The following FHIT variants were observed in gnomAD, a reference collection of about 807,000 sequenced individuals.
FHIT encodes the protein fragile histidine triad diadenosine triphosphatase.
A neutral mutation model predicts 17.9 loss-of-function variants in FHIT; 19 were observed. The observed-to-expected ratio is 1.06, with a 90% CI of 0.74 to 1.56. The LOEUF (loss-of-function observed/expected upper bound fraction) is 1.56. FHIT is among the 40% of genes most tolerant of loss of function. The pLI is 0.00. For missense variants in FHIT, 248 were observed against 189.2 expected (o/e 1.31, Z -1.82); for synonymous variants, 81 against 69.7 (o/e 1.16, Z -0.81).
At chr3:60,298,700 C>T (rs1049812379) in intron 5 of FHIT, among the ~76,000 whole-genome samples, 2 of 152,088 alleles carry the variant, frequency 1.3e-5, no homozygotes, top group Non-Finnish European at 2.9e-5. Context: ...CATGCTTTTT[C>T]TGTGGGAATT....
At chr3:60,249,533 A>G (rs557503070) in intron 5 of FHIT, among the ~76,000 whole-genome samples, 5 of 137,786 alleles carry the variant, frequency 3.6e-5, no homozygotes, top group South Asian at 4.8e-4. Context: ...AATAAGGATG[A>G]AGGATTTTTT....
At chr3:59,812,467 G>A (rs1352440857) in intron 8 of FHIT, among the ~76,000 whole-genome samples, 1 of 152,162 alleles carries the variant, frequency 6.6e-6, no homozygotes, top group Non-Finnish European at 1.5e-5. Context: ...TTATGTTGCA[G>A]CTAAGGCCAG....
chr3:60,099,139 T>C (rs1316116978), intron 5 of FHIT, among the ~76,000 whole-genome samples: 1 of 152,164 alleles, frequency 6.6e-6, no homozygotes, highest in Non-Finnish European at 1.5e-5. Context: ...TCATGCGCTG[T>C]TGCCTGAACA....
intron 4 of FHIT, among the ~76,000 whole-genome samples, chr3:60,655,232 G>C (rs1202622643): frequency 6.6e-6 from 1 of 152,160 alleles, no homozygotes; most frequent in East Asian, 1.9e-4. Context: ...GCTGGAGGTG[G>C]GAAGGGTGGG....
intron 5 of FHIT, among the ~76,000 whole-genome samples, chr3:60,473,250 G>A (rs918846448): frequency 2.0e-5 from 3 of 152,146 alleles, no homozygotes; most frequent in Non-Finnish European, 2.9e-5. Flanking sequence ...TGGCTTCTTC[G>A]ATAAAATTCA....
intron 4 of FHIT, among the ~76,000 whole-genome samples, chr3:60,747,354 T>C (rs942487300): frequency 2.0e-5 from 3 of 152,076 alleles, no homozygotes; most frequent in Non-Finnish European, 4.4e-5. Context: ...ATCTCAACAG[T>C]AGTCTAGGTA....
intron 5 of FHIT, among the ~76,000 whole-genome samples, chr3:60,194,396 T>A (rs1239591867): frequency 6.6e-6 from 1 of 151,998 alleles, no homozygotes; most frequent in Non-Finnish European, 1.5e-5. Context: ...GTAGAAGAAT[T>A]AAACGGGATC....
intron 4 of FHIT, among the ~76,000 whole-genome samples, chr3:60,661,397 G>A (rs1442358165): frequency 2.6e-5 from 4 of 151,774 alleles, no homozygotes; most frequent in South Asian, 2.1e-4. Context: ...TCTTTTTTAC[G>A]GCTGAATAGT....
intron 3 of FHIT, among the ~76,000 whole-genome samples, chr3:60,918,473 T>C (rs1707118747): frequency 6.6e-6 from 1 of 152,188 alleles, no homozygotes; most frequent in Non-Finnish European, 1.5e-5. Context: ...TATAAACTAC[T>C]GAAATGACAA....
At chr3:60,793,033 AG>A (rs1342245380) in intron 4 of FHIT, among the ~76,000 whole-genome samples, 4 of 152,182 alleles carry the variant, frequency 2.6e-5, no homozygotes, top group Non-Finnish European at 5.9e-5. Context: ...GGCTGAAGTC[AG>A]GTTTTAAAAA....
chr3:60,055,446 TTC>T (rs1491537097), intron 5 of FHIT, among the ~76,000 whole-genome samples: 26 of 118,970 alleles, frequency 2.2e-4, no homozygotes, highest in African/African-American at 6.7e-4. Flanking sequence ...GTGATGGACT[TTC>T]TTTTTTTTTT....
intron 5 of FHIT, among the ~76,000 whole-genome samples, chr3:60,439,125 G>C (rs907610181): frequency 5.9e-5 from 9 of 152,076 alleles, no homozygotes; most frequent in African/African-American, 2.2e-4. Flanking sequence ...CTGTGCCTTA[G>C]ACTGCTTTGC....
intron 7 of FHIT, among the ~76,000 whole-genome samples, chr3:59,934,459 A>T (rs62238347): frequency 0.076 from 11,509 of 152,182 alleles, 649 homozygotes; most frequent in Non-Finnish European, 0.1. Flanking sequence ...ACAAATTGAG[A>T]TCAATCTTGT....
chr3:60,120,592 G>T (rs1166678914), intron 5 of FHIT, among the ~76,000 whole-genome samples: 1 of 152,224 alleles, frequency 6.6e-6, no homozygotes, highest in African/African-American at 2.4e-5. Flanking sequence ...GTAGGGTTGA[G>T]AATGTAAGCT....
chr3:60,707,541 A>G (rs2041405122), intron 4 of FHIT, among the ~76,000 whole-genome samples: 1 of 152,172 alleles, frequency 6.6e-6, no homozygotes, highest in Non-Finnish European at 1.5e-5. Flanking sequence ...ACTGTCTTCC[A>G]GGAGATGTCA....
At chr3:60,623,632 G>C (rs1002724465) in intron 4 of FHIT, among the ~76,000 whole-genome samples, 1 of 152,210 alleles carries the variant, frequency 6.6e-6, no homozygotes, top group African/African-American at 2.4e-5. Context: ...GAGGCACTGG[G>C]TGATACATAG....
chr3:59,944,077 A>C (rs62238355), intron 7 of FHIT, among the ~76,000 whole-genome samples: 13,423 of 152,256 alleles, frequency 0.088, 844 homozygotes, highest in South Asian at 0.17. Context: ...TTTATTGGTA[A>C]AGTTTTAGAA....
intron 3 of FHIT, among the ~76,000 whole-genome samples, chr3:60,979,934 A>C (rs1710423058): frequency 6.6e-6 from 1 of 152,244 alleles, no homozygotes; most frequent in South Asian, 2.1e-4. Flanking sequence ...TTGCTCCAAT[A>C]CTGGCAATTT....
chr3:61,081,807 G>C (rs1344286270), intron 2 of FHIT, among the ~76,000 whole-genome samples: 2 of 152,128 alleles, frequency 1.3e-5, no homozygotes, highest in Admixed American at 6.6e-5. Flanking sequence ...TCCAAATAAG[G>C]TCACATTCTG....
Sources: allele counts gnomAD v4.1 joint callset (sites outside exome capture counted in the v4.1 genomes callset), GRCh38; gene constraint gnomAD v4.1.1; transcripts MANE v1.5; gene names NCBI Gene and HGNC (gene_info 2026-07-23, HGNC 2026-07-21).